The following PACRG variants were observed in gnomAD, a reference collection of about 807,000 sequenced individuals.
PACRG encodes parkin coregulated gene protein.
In PACRG, 29 loss-of-function variants were observed where a neutral mutation model predicts 29.7. That is an observed-to-expected ratio of 0.98 (90% CI 0.73 to 1.33). The LOEUF (loss-of-function observed/expected upper bound fraction) is 1.33, where lower values mean the gene tolerates loss of function less well. Among genes scored for constraint, PACRG ranks in the 40% most tolerant of loss-of-function variants. The pLI is 0.00. For synonymous variants in PACRG, 116 were observed against 118.7 expected (o/e 0.98, Z 0.15); for missense variants, 279 against 316.2 (o/e 0.88, Z 0.89).
chr6:163,198,075 G>A (rs143001334), intron 4 of PACRG, among the ~76,000 whole-genome samples: 38 of 152,280 alleles, frequency 2.5e-4, no homozygotes, highest in Non-Finnish European at 4.6e-4. Context: ...GATGTCTTGA[G>A]GAAAATTGGA....
At chr6:163,224,082 G>A (rs1237731882) in intron 4 of PACRG, among the ~76,000 whole-genome samples, 1 of 152,052 alleles carries the variant, frequency 6.6e-6, no homozygotes, top group African/African-American at 2.4e-5. Flanking sequence ...AAAGAACAAA[G>A]CTGGGACCAG....
intron 4 of PACRG, among the ~76,000 whole-genome samples, chr6:163,173,599 C>G (rs1779201652): frequency 6.6e-6 from 1 of 152,204 alleles, no homozygotes; most frequent in Non-Finnish European, 1.5e-5. Context: ...ATGAGAGAAT[C>G]ACGCTCTCCG....
At chr6:162,780,985 G>A (rs552164390) in intron 1 of PACRG, among the ~76,000 whole-genome samples, 1 of 151,956 alleles carries the variant, frequency 6.6e-6, no homozygotes, top group Admixed American at 6.6e-5. Flanking sequence ...AAAAGATAAT[G>A]ACCAAAAAAT....
At chr6:162,787,582 G>GTATC (rs1554279249) in intron 1 of PACRG, among the ~76,000 whole-genome samples, 7 of 62,418 alleles carry the variant, frequency 1.1e-4, no homozygotes, top group Admixed American at 1.9e-4. Context: ...GTGTGTGTGT[G>GTATC]TATATATATA....
At chr6:163,294,003 G>A (rs1784699685) in intron 4 of PACRG, among the ~76,000 whole-genome samples, 2 of 151,956 alleles carry the variant, frequency 1.3e-5, no homozygotes. Flanking sequence ...TAGCCTGATA[G>A]CTCCAATAGC....
chr6:163,186,313 T>C (rs1779929824), intron 4 of PACRG, among the ~76,000 whole-genome samples: 1 of 152,084 alleles, frequency 6.6e-6, no homozygotes, highest in Admixed American at 6.6e-5. Context: ...AACATTCTCA[T>C]TGTCTCCACT....
intron 2 of PACRG, among the ~76,000 whole-genome samples, chr6:162,916,974 G>A (rs996212278): frequency 4.6e-5 from 7 of 151,910 alleles, no homozygotes; most frequent in Non-Finnish European, 1.0e-4. Flanking sequence ...CAGACTGTCC[G>A]GTCTTCTAAT....
intron 2 of PACRG, among the ~76,000 whole-genome samples, chr6:162,999,597 T>C (rs1427321031): frequency 2.0e-5 from 3 of 152,220 alleles, no homozygotes; most frequent in African/African-American, 7.2e-5. Context: ...CTTCTATGTA[T>C]TTCCTTAACA....
chr6:162,891,098 C>T (rs1017975746), intron 2 of PACRG, among the ~76,000 whole-genome samples: 5 of 152,104 alleles, frequency 3.3e-5, no homozygotes, highest in African/African-American at 1.2e-4. Flanking sequence ...TTAGGTTTAA[C>T]GACTAAAGGA....
intron 4 of PACRG, chr6:163,191,063 C>A: frequency 4.7e-6 from 2 of 426,518 alleles, no homozygotes; most frequent in Admixed American, 5.2e-5. Flanking sequence ...AAAAACAAAA[C>A]AAACAAACAA....
At chr6:163,292,602 A>AT (rs35254999) in intron 4 of PACRG, among the ~76,000 whole-genome samples, 46 of 150,144 alleles carry the variant, frequency 3.1e-4, no homozygotes, top group Non-Finnish European at 1.6e-4. Flanking sequence ...TTATTTATTT[A>AT]TTAGTAGAGA....
intron 2 of PACRG, among the ~76,000 whole-genome samples, chr6:162,869,872 A>G (rs185851570): frequency 4.6e-5 from 7 of 152,252 alleles, no homozygotes; most frequent in Non-Finnish European, 7.3e-5. Context: ...AAAATATACT[A>G]TGAGCCCTGT....
At chr6:163,169,670 G>A (rs1778977462) in intron 4 of PACRG, among the ~76,000 whole-genome samples, 1 of 152,234 alleles carries the variant, frequency 6.6e-6, no homozygotes, top group African/African-American at 2.4e-5. Flanking sequence ...GGAGGAGTGT[G>A]GCAAAGGCCA....
At chr6:163,269,793 A>AAAGAAAGGAAGG (rs1783671180) in intron 4 of PACRG, among the ~76,000 whole-genome samples, 1 of 81,432 alleles carries the variant, frequency 1.2e-5, no homozygotes, top group African/African-American at 4.5e-5. Flanking sequence ...AGAAAGAAAG[A>AAAGAAAGGAAGG]AAGGAAGGAA....
Position 162,999,557 on chromosome 6 carries a change from C to A in PACRG, c.292-62593C>A, listed in dbSNP as rs185859246. 2.2e-3 allele frequency among the ~76,000 whole-genome samples: 342 copies of A among 152,330 alleles called. 4 individuals are homozygous for A. Among genetic ancestry groups the A allele is most frequent in the Non-Finnish European group, 1.1e-3 (72 of 68,038 alleles). ...CAATTTAAATTGGATTAAACACACA[C>A]AAAAAATTCAGAAACAAGACTGGCT... On this transcript the variant is annotated intron_variant, in intron 2 of 4. Coordinates refer to ENST00000366888, the MANE Select transcript of PACRG (RefSeq NM_001080379.2).
chr6:163,074,754 G>A (rs1472472952), intron 3 of PACRG, among the ~76,000 whole-genome samples: 2 of 152,050 alleles, frequency 1.3e-5, no homozygotes, highest in East Asian at 3.9e-4. Context: ...ATACAATTAA[G>A]AGAACCAAAA....
intron 2 of PACRG, among the ~76,000 whole-genome samples, chr6:163,035,710 TG>T (rs1291795257): frequency 7.2e-6 from 1 of 139,752 alleles, no homozygotes; most frequent in Non-Finnish European, 1.5e-5. Context: ...CCTAGCTACT[TG>T]GGAGGCTGAG....
intron 2 of PACRG, among the ~76,000 whole-genome samples, chr6:162,874,139 TA>T (rs56159049): frequency 0.17 from 23,030 of 133,358 alleles, 2,097 homozygotes; most frequent in East Asian, 0.31. Flanking sequence ...ATGAGGGAGT[TA>T]AAAAAAAAAA....
chr6:162,929,646 C>T (rs770292307), intron 2 of PACRG, among the ~76,000 whole-genome samples: 6 of 151,746 alleles, frequency 4.0e-5, no homozygotes, highest in Non-Finnish European at 7.4e-5. Flanking sequence ...ACAAAAGATG[C>T]TTACCTAGAC....
Sources: gnomAD v4.1 joint callset for allele counts (sites outside exome capture counted in the v4.1 genomes callset) on GRCh38, gnomAD v4.1.1 for gene constraint, MANE v1.5 for transcripts, NCBI Gene and HGNC (gene_info 2026-07-23, HGNC 2026-07-21) for gene names.